VPS54: variants seen among roughly 807,000 people sequenced by gnomAD.
VPS54 encodes vacuolar protein sorting-associated protein 54.
A neutral mutation model predicts 121.5 loss-of-function variants in VPS54; 45 were observed. That is an observed-to-expected ratio of 0.37 (90% CI 0.29 to 0.47). The LOEUF is 0.47. Among genes scored for constraint, VPS54 ranks in the 20% least tolerant of loss-of-function variants. The probability of loss-of-function intolerance (pLI) is 0.99; values close to 1 mark genes in which losing one functional copy is unlikely to be tolerated. For synonymous variants in VPS54, 371 were observed against 385.8 expected (o/e 0.96, Z 0.45); for missense variants, 1,090 against 1,131.4 (o/e 0.96, Z 0.52).
chr2:63,992,194 A>G (rs1677356407), intron 1 of VPS54, among the ~76,000 whole-genome samples: 1 of 152,312 alleles, frequency 6.6e-6, no homozygotes, highest in Non-Finnish European at 1.5e-5. Context: ...AACAAAGGAG[A>G]TAAGACACGT....
intron 1 of VPS54, among the ~76,000 whole-genome samples, chr2:64,014,720 C>G (rs1018669819): frequency 1.1e-4 from 12 of 108,018 alleles, no homozygotes; most frequent in African/African-American, 3.2e-4. Flanking sequence ...ATAGTTGACA[C>G]TGCATCTTAA....
chr2:63,958,812 A>C (rs1675617779), intron 7 of VPS54, among the ~76,000 whole-genome samples: 1 of 152,208 alleles, frequency 6.6e-6, no homozygotes, highest in African/African-American at 2.4e-5. Context: ...GACTATTAAC[A>C]AATAAATTTA....
intron 7 of VPS54, among the ~76,000 whole-genome samples, chr2:63,952,179 G>A (rs1435613268): frequency 2.0e-5 from 3 of 152,136 alleles, no homozygotes; most frequent in Non-Finnish European, 4.4e-5. Context: ...GAAAGTCATT[G>A]AAACACAAGA....
intron 12 of VPS54, among the ~76,000 whole-genome samples, chr2:63,929,434 G>C (rs1432371717): frequency 6.6e-6 from 1 of 152,146 alleles, no homozygotes; most frequent in African/African-American, 2.4e-5. Context: ...ATAACAAAAT[G>C]AAGGCAGAAA....
chr2:64,013,886 C>G (rs994875518), intron 1 of VPS54, among the ~76,000 whole-genome samples: 3 of 151,476 alleles, frequency 2.0e-5, no homozygotes, highest in African/African-American at 7.3e-5. Context: ...AGAAAGGTGA[C>G]CAGTTAACAA....
In VPS54 at chr2:63,918,717, A is replaced by T. The variant is rs371901431; in HGVS notation, c.2164+1166T>A. On this transcript the variant is annotated intron_variant, in intron 15 of 22. Transcript: ENST00000272322. Reference sequence around the variant, plus strand: ...GGGCAGAAGTAGTAGCCTTTCTCTTAAACTCTAGATTCGATTCCATGCACC... The same window carrying T: ...GGGCAGAAGTAGTAGCCTTTCTCTTTAACTCTAGATTCGATTCCATGCACC... Among the ~76,000 whole-genome samples, 5 of 152,132 alleles carry T rather than the reference A, an allele frequency of 3.3e-5. No individual in the cohort carries two copies. In the South Asian group the frequency reaches 8.3e-4, roughly 25 times the overall value.
chr2:63,899,636 C>T (rs2104401450), intron 20 of VPS54, 55 bp from the exon 21 acceptor site: 2 of 1,400,308 alleles, frequency 1.4e-6, no homozygotes, highest in East Asian at 2.3e-5. Context: ...TGCATAATGT[C>T]TCCACCATTC....
At chr2:63,966,468 C>T (rs1297951980) in intron 5 of VPS54, among the ~76,000 whole-genome samples, 1 of 152,150 alleles carries the variant, frequency 6.6e-6, no homozygotes, top group Non-Finnish European at 1.5e-5. Flanking sequence ...TTACATATCA[C>T]GACCAGCTAA....
chr2:63,984,709 A>G lies in VPS54; in HGVS notation c.-20-690T>C, dbSNP rs758923267. Among the ~76,000 whole-genome samples, 22 of 152,384 alleles carry G rather than the reference A, an allele frequency of 1.4e-4. No individual in the cohort carries two copies. The South Asian group carries it at 1.9e-3, about 13-fold the overall frequency. The stretch of plus-strand genomic sequence containing the variant: ...ACTGTATTAAGTAATTAAAACAAAT[A>G]TATGTAAGCAAAACACAAGTTAACC... On this transcript the variant is annotated intron_variant, in intron 1 of 22. Transcript: ENST00000272322.
intron 20 of VPS54, among the ~76,000 whole-genome samples, chr2:63,908,715 C>T (rs1338717758): frequency 1.3e-5 from 2 of 152,078 alleles, no homozygotes; most frequent in African/African-American, 4.8e-5. Flanking sequence ...CATTAGCAGT[C>T]AATATTTACT....
At chr2:63,921,571 A>G (rs1268549471) in intron 12 of VPS54, among the ~76,000 whole-genome samples, 1 of 152,228 alleles carries the variant, frequency 6.6e-6, no homozygotes, top group Non-Finnish European at 1.5e-5. Context: ...TCTGTCACCC[A>G]GGCTGGAGTG....
intron 7 of VPS54, among the ~76,000 whole-genome samples, chr2:63,958,606 C>G (rs1028501872): frequency 4.6e-5 from 7 of 151,906 alleles, no homozygotes; most frequent in African/African-American, 1.5e-4. Context: ...TCTTAGCTAC[C>G]CAGGAGGCTA....
At chr2:63,900,255 G>T (rs990369047) in intron 20 of VPS54, among the ~76,000 whole-genome samples, 1 of 146,012 alleles carries the variant, frequency 6.8e-6, no homozygotes, top group Admixed American at 6.8e-5. Context: ...GAATGTGTCA[G>T]TATGATCGTA....
intron 11 of VPS54, among the ~76,000 whole-genome samples, chr2:63,941,611 C>T (rs949450676): frequency 5.9e-5 from 9 of 152,152 alleles, no homozygotes; most frequent in African/African-American, 2.2e-4. Flanking sequence ...TAAAATGATA[C>T]GTGACCTGTT....
chr2:63,961,596 G>C (rs184968891), intron 7 of VPS54, among the ~76,000 whole-genome samples: 11 of 152,058 alleles, frequency 7.2e-5, no homozygotes, highest in East Asian at 5.8e-4. Flanking sequence ...GGAGAAATTG[G>C]GTCTTTTCTA....
intron 1 of VPS54, among the ~76,000 whole-genome samples, chr2:64,003,804 C>T (rs1396920820): frequency 1.3e-5 from 2 of 152,088 alleles, no homozygotes; most frequent in East Asian, 3.8e-4. Context: ...CAGTTAAAAA[C>T]TTCTTTTGAA....
At chr2:63,913,365 T>C in intron 17 of VPS54, 55 bp from the exon 18 acceptor site, 1 of 1,333,476 alleles carries the variant, frequency 7.5e-7, no homozygotes. Flanking sequence ...GTTCTTTATA[T>C]CCTGGCAATG....
At chr2:63,896,153 C>T (rs2104393205) in intron 22 of VPS54, among the ~76,000 whole-genome samples, 1 of 152,212 alleles carries the variant, frequency 6.6e-6, no homozygotes, top group Non-Finnish European at 1.5e-5. Context: ...ACAGCGTCAC[C>T]ACATGTGATG....
At chr2:64,003,232 A>G (rs1197192599) in intron 1 of VPS54, among the ~76,000 whole-genome samples, 1 of 152,214 alleles carries the variant, frequency 6.6e-6, no homozygotes, top group South Asian at 2.1e-4. Context: ...TCTAAGCACT[A>G]AACACAGGGA....
Sources: gnomAD v4.1 joint callset for allele counts (sites outside exome capture counted in the v4.1 genomes callset) on GRCh38, gnomAD v4.1.1 for gene constraint, MANE v1.5 for transcripts, NCBI Gene and HGNC (gene_info 2026-07-23, HGNC 2026-07-21) for gene names.